NOS1AP: variants seen among roughly 807,000 people sequenced by gnomAD.
The protein encoded by NOS1AP is nitric oxide synthase 1 adaptor protein, also known as carboxyl-terminal PDZ ligand of neuronal nitric oxide synthase protein.
NOS1AP carries 21 observed loss-of-function variants against 56.2 expected under a neutral mutation model. The observed-to-expected ratio is 0.37, with a 90% CI of 0.26 to 0.54. The LOEUF is 0.54. Ranked by LOEUF, NOS1AP falls within the 20% of genes least tolerant of loss-of-function variation. NOS1AP has a pLI of 0.84. For synonymous variants in NOS1AP, 270 were observed against 274.6 expected, an observed-to-expected ratio of 0.98 and a Z score of 0.17; for missense variants, 522 against 657.8, an observed-to-expected ratio of 0.79 and a Z score of 2.26.
chr1:162,178,479 T>A (rs181805689), intron 2 of NOS1AP, among the ~76,000 whole-genome samples: 1 of 152,362 alleles, frequency 6.6e-6, no homozygotes, highest in East Asian at 1.9e-4. Context: ...TGCTAGTTGC[T>A]AATATATTAT....
At chr1:162,250,386 A>G (rs755586305) in intron 2 of NOS1AP, among the ~76,000 whole-genome samples, 2 of 152,246 alleles carry the variant, frequency 1.3e-5, no homozygotes, top group Admixed American at 6.5e-5. Flanking sequence ...ATCCACTGAT[A>G]GAGTATAGGC....
rs1004465025 is a variant in NOS1AP at position 162,291,264 on chromosome 1, G to A, written c.270+3828G>A. On this transcript the variant is annotated intron_variant, in intron 3 of 9. Transcript: ENST00000361897. ...TCCAGTGAACTTTTTAAGGGCAGGAGCCATCTTTGTAAGCCCAGCACTTGC... is the reference window on the plus strand; with the variant it reads ...TCCAGTGAACTTTTTAAGGGCAGGAACCATCTTTGTAAGCCCAGCACTTGC... Among the ~76,000 whole-genome samples the A allele has an allele frequency of 1.7e-4, 26 of 152,292 alleles. 1 individual carries two copies. The highest frequency in any genetic ancestry group is 3.2e-4 in the Non-Finnish European group (22 of 68,016).
chr1:162,365,601 T>G (rs1242703034), intron 9 of NOS1AP, 32 bp downstream of exon 9: 2 of 1,604,198 alleles, frequency 1.2e-6, no homozygotes, highest in Non-Finnish European at 1.7e-6. Flanking sequence ...CCCTGCTTCC[T>G]CTGTGAAGGC....
chr1:162,131,192 G>A (rs952857155), intron 1 of NOS1AP, among the ~76,000 whole-genome samples: 1 of 152,008 alleles, frequency 6.6e-6, no homozygotes, highest in African/African-American at 2.4e-5. Flanking sequence ...GCTAGGTTTC[G>A]AGTTTCAAGG....
intron 1 of NOS1AP, among the ~76,000 whole-genome samples, chr1:162,136,177 AT>A (rs1201063143): frequency 3.9e-5 from 6 of 152,222 alleles, no homozygotes; most frequent in Non-Finnish European, 4.4e-5. Flanking sequence ...AGAAAATGCA[AT>A]TTGAGCTGTG....
At chr1:162,218,508 CT>C (rs1325552145) in intron 2 of NOS1AP, among the ~76,000 whole-genome samples, 1 of 152,222 alleles carries the variant, frequency 6.6e-6, no homozygotes, top group African/African-American at 2.4e-5. Flanking sequence ...GTTGCTCCCA[CT>C]CCTGCTATCA....
At chr1:162,259,517 A>G (rs546603186) in intron 2 of NOS1AP, among the ~76,000 whole-genome samples, 133 of 152,320 alleles carry the variant, frequency 8.7e-4, no homozygotes, top group African/African-American at 3.1e-3. Context: ...TTTCATAAAT[A>G]TAGTTCCATC....
At position 162,079,127 on chromosome 1, in the gene NOS1AP, C is replaced by T. The variant is rs552814835; in HGVS notation, c.105+8845C>T. On this transcript the variant is annotated intron_variant, in intron 1 of 9. Transcript: ENST00000361897. ...TCTCTTGCTTTAGTCTAGTAACTTC[C>T]GGTTCCCAGTGGCTTGAGGGACCCC... 9.2e-5 allele frequency among the ~76,000 whole-genome samples: 14 copies of T among 152,272 alleles called. No homozygotes were observed. The South Asian group carries it at 1.9e-3, about 20-fold the overall frequency.
At chr1:162,106,460 TG>T (rs1298852789) in intron 1 of NOS1AP, among the ~76,000 whole-genome samples, 1 of 152,204 alleles carries the variant, frequency 6.6e-6, no homozygotes, top group Admixed American at 6.5e-5. Context: ...TTCTTGCTAC[TG>T]GGGGCTGGTA....
At chr1:162,133,284 T>C (rs1465956827) in intron 1 of NOS1AP, among the ~76,000 whole-genome samples, 3 of 152,242 alleles carry the variant, frequency 2.0e-5, no homozygotes, top group Admixed American at 1.3e-4. Flanking sequence ...CTAAGTTGCC[T>C]CAGAAGATCT....
intron 1 of NOS1AP, among the ~76,000 whole-genome samples, chr1:162,153,932 A>G (rs1649821066): frequency 6.6e-6 from 1 of 152,144 alleles, no homozygotes; most frequent in South Asian, 2.1e-4. Flanking sequence ...TCTAGGGCTC[A>G]ATCAGTGAAA....
rs142328176 is a variant in NOS1AP at position 162,325,591 on chromosome 1, AC to A, written c.345-7424del. Among the ~76,000 whole-genome samples the A allele has an allele frequency of 3.9e-3, 600 of 152,248 alleles. 4 individuals carry two copies. Among genetic ancestry groups the A allele is most frequent in the African/African-American group, 0.014 (563 of 41,540 alleles). On this transcript the variant is annotated intron_variant, in intron 4 of 9. Coordinates refer to ENST00000361897, the MANE Select transcript of NOS1AP (RefSeq NM_014697.3). ...CGCTTAGGGAACCCTTCTTCCCGAGACCAGGAGTCATGCTGGATTTCCCAGG... is the reference window on the plus strand; with the variant it reads ...CGCTTAGGGAACCCTTCTTCCCGAGACAGGAGTCATGCTGGATTTCCCAGG...
chr1:162,129,208 C>T (rs1417632517), intron 1 of NOS1AP, among the ~76,000 whole-genome samples: 1 of 152,134 alleles, frequency 6.6e-6, no homozygotes, highest in Non-Finnish European at 1.5e-5. Flanking sequence ...TTCTAGCCCT[C>T]TGTGATCTGT....
chr1:162,168,462 G>A (rs1393880254), intron 2 of NOS1AP, among the ~76,000 whole-genome samples: 1 of 152,188 alleles, frequency 6.6e-6, no homozygotes, highest in African/African-American at 2.4e-5. Context: ...CAGGCTTTGT[G>A]ACATCAGCTG....
At chr1:162,295,905 G>A (rs533602647) in intron 3 of NOS1AP, among the ~76,000 whole-genome samples, 1 of 152,286 alleles carries the variant, frequency 6.6e-6, no homozygotes, top group African/African-American at 2.4e-5. Context: ...GGTATTATTT[G>A]AAAGAGGTGC....
chr1:162,237,505 TC>T (rs1250426707), intron 2 of NOS1AP, among the ~76,000 whole-genome samples: 1 of 152,196 alleles, frequency 6.6e-6, no homozygotes, highest in East Asian at 1.9e-4. Flanking sequence ...TGGGAAATGA[TC>T]CCCTTTTCAG....
chr1:162,142,419 T>C (rs1352336251), intron 1 of NOS1AP, among the ~76,000 whole-genome samples: 1 of 152,098 alleles, frequency 6.6e-6, no homozygotes, highest in East Asian at 1.9e-4. Context: ...TGTTTCTGCG[T>C]GTGTGTGTGT....
At chr1:162,351,082 G>A (rs959598386) in intron 6 of NOS1AP, among the ~76,000 whole-genome samples, 1 of 152,150 alleles carries the variant, frequency 6.6e-6, no homozygotes, top group African/African-American at 2.4e-5. Context: ...TGGATTTCAT[G>A]TTTACACATG....
chr1:162,112,358 C>T (rs1348735275), intron 1 of NOS1AP, among the ~76,000 whole-genome samples: 1 of 151,802 alleles, frequency 6.6e-6, no homozygotes, highest in Non-Finnish European at 1.5e-5. Flanking sequence ...TTAAGAGCAT[C>T]CTGGCCTCTA....
Sources: allele counts gnomAD v4.1 joint callset (sites outside exome capture counted in the v4.1 genomes callset), GRCh38; gene constraint gnomAD v4.1.1; transcripts MANE v1.5; gene names NCBI Gene and HGNC (gene_info 2026-07-23, HGNC 2026-07-21).